Variants in COL28A1 observed in about 807,000 individuals in gnomAD.
The protein encoded by COL28A1 is collagen alpha-1(XXVIII) chain.
A neutral mutation model predicts 150.2 loss-of-function variants in COL28A1; 161 were observed. The ratio of observed to expected loss-of-function variants is 1.07; its 90% CI spans 0.94 to 1.22. The LOEUF (loss-of-function observed/expected upper bound fraction) is 1.22, where lower values mean the gene tolerates loss of function less well. COL28A1 is among the 50% of genes most tolerant of loss of function. COL28A1 has a pLI of 0.00. For missense variants in COL28A1, 1,617 were observed against 1,388.3 expected, an observed-to-expected ratio of 1.16 and a Z score of -2.62; for synonymous variants, 552 against 469.7, an observed-to-expected ratio of 1.18 and a Z score of -2.26.
intron 27 of COL28A1, among the ~76,000 whole-genome samples, chr7:7,393,837 C>G (rs1782685495): frequency 6.6e-6 from 1 of 152,156 alleles, no homozygotes; most frequent in Non-Finnish European, 1.5e-5. Flanking sequence ...GTGAGAATTT[C>G]AAGCCATTGG....
intron 15 of COL28A1, among the ~76,000 whole-genome samples, chr7:7,472,419 A>G (rs1454796616): frequency 1.3e-5 from 2 of 151,680 alleles, no homozygotes; most frequent in African/African-American, 2.4e-5. Flanking sequence ...CCCTTTTTAC[A>G]ATAGCTGCAA....
chr7:7,369,413 C>T (rs900221130), intron 33 of COL28A1, among the ~76,000 whole-genome samples: 15 of 152,202 alleles, frequency 9.9e-5, no homozygotes, highest in East Asian at 1.9e-4. Flanking sequence ...CTACTTCAAA[C>T]GCAGAGCTGA....
chr7:7,399,169 T>C (rs1783017726), intron 27 of COL28A1, among the ~76,000 whole-genome samples: 1 of 152,156 alleles, frequency 6.6e-6, no homozygotes, highest in Non-Finnish European at 1.5e-5. Context: ...TTGGCTTTCC[T>C]TTCTCCACTC....
At chr7:7,419,534 G>T (rs968401481) in intron 26 of COL28A1, among the ~76,000 whole-genome samples, 4 of 152,112 alleles carry the variant, frequency 2.6e-5, no homozygotes, top group African/African-American at 9.7e-5. Flanking sequence ...AGGGCACAAT[G>T]ACACATTAGC....
chr7:7,453,639 G>A, intron 16 of COL28A1, 131 bp from the exon 17 acceptor site: 1 of 618,422 alleles, frequency 1.6e-6, no homozygotes, highest in South Asian at 1.9e-5. Flanking sequence ...TGGGGTGCCA[G>A]GGGCTGCTAG....
intron 12 of COL28A1, 117 bp from the exon 13 acceptor site, chr7:7,489,574 T>C: frequency 1.5e-6 from 1 of 687,790 alleles, no homozygotes. Context: ...AAATGTTGGT[T>C]TTCATAAAGG....
chr7:7,397,258 T>C lies in COL28A1; in HGVS notation c.2137-15646A>G, dbSNP rs192573991. On this transcript the variant is annotated intron_variant, in intron 27 of 34. Transcript: ENST00000399429. ...ATTCAACAGTTTTCCTCCATCTTCC[T>C]GCACTCCAGTCTGTTTCCATCATCA... 1.2e-3 allele frequency among the ~76,000 whole-genome samples: 186 copies of C among 152,280 alleles called. 1 individual carries two copies. Among genetic ancestry groups the C allele is most frequent in the African/African-American group, 4.2e-3 (176 of 41,558 alleles).
At chr7:7,350,178 A>G in the COL28A1 span, among the ~76,000 whole-genome samples, 48 of 152,252 alleles carry the variant, frequency 3.2e-4, no homozygotes, top group African/African-American at 8.7e-4. Context: ...GCCAGGTGCA[A>G]TGACAGTCTC....
rs765763071 is a variant in COL28A1, at chr7:7,373,120, A to G, written c.2786T>C (p.Ile929Thr). Residue 929 changes from isoleucine to threonine, a missense_variant, in exon 32 of 35, where the codon ATA becomes ACA. Coordinates refer to ENST00000399429, the MANE Select transcript of COL28A1 (RefSeq NM_001037763.3). This position sits in a 1 kb window ranked among gnomAD's most constrained non-coding sequence, Gnocchi z 4.1. The stretch of plus-strand genomic sequence containing the variant: ...TTTCTTCACCACCCCTATCACAAAT[A>G]TCTCCACATTGGTGTCACTGGCATT... The part of the protein sequence containing the change: ...VKNASDTNVE[I>T]FVIGVVKKND... 3.1e-6 allele frequency: 5 copies of G among 1,614,198 alleles called. No individual in the cohort carries two copies. Among genetic ancestry groups the G allele is most frequent in the Non-Finnish European group, 4.2e-6 (5 of 1,180,016 alleles).
chr7:7,473,847 G>T (rs541355573), intron 15 of COL28A1, among the ~76,000 whole-genome samples: 1 of 151,130 alleles, frequency 6.6e-6, no homozygotes, highest in Non-Finnish European at 1.5e-5. Flanking sequence ...CAGTGTGTGT[G>T]TTTGTTTATA....
At chr7:7,532,055 A>G in intron 2 of COL28A1, 151 bp from the exon 3 acceptor site, 1 of 528,402 alleles carries the variant, frequency 1.9e-6, no homozygotes, top group Non-Finnish European at 3.4e-6. Context: ...AGAAGGCTTC[A>G]ATTGTAAAAA....
chr7:7,515,829 C>G lies in COL28A1; in HGVS notation c.867G>C (p.Gly289=). Residue 289 remains glycine, a synonymous_variant, in exon 8 of 35, where the codon GGG becomes GGC. Transcript: ENST00000399429. ...AGERGPGGIP[G]YKGDKGERGE... The stretch of plus-strand genomic sequence containing the variant: ...ACCAACTTACCTTGTCACCCTTGTA[C>G]CCAGGAATTCCCTAATTTAAAAAGA... 9.6e-7 allele frequency: 1 copy of G among 1,040,670 alleles called. No homozygotes were observed. The highest frequency in any genetic ancestry group is 1.5e-6 in the Non-Finnish European group (1 of 660,068). The allele number at this position is 1,040,670 out of a possible 1,614,324, so 64.5% of individuals were successfully genotyped here. A position where few individuals can be genotyped will look rare whatever the true frequency, so the allele number is the denominator to read the frequency against.
chr7:7,497,981 C>G lies in COL28A1; in HGVS notation c.1027-7335G>C, dbSNP rs144952409. ...AGAGAGAAAGTCCAGTCCATATACT[C>G]TACGTACTTGTGCTTTCTAAAGCAG... On this transcript the variant is annotated intron_variant, in intron 11 of 34. Coordinates refer to ENST00000399429, the MANE Select transcript of COL28A1 (RefSeq NM_001037763.3). Among the ~76,000 whole-genome samples, 588 of 152,242 alleles carry G rather than the reference C, an allele frequency of 3.9e-3. 3 individuals are homozygous for G. Among genetic ancestry groups the G allele is most frequent in the Non-Finnish European group, 6.1e-3 (416 of 68,008 alleles).
At chr7:7,525,309 TA>T (rs1781963440) in intron 3 of COL28A1, among the ~76,000 whole-genome samples, 1 of 152,344 alleles carries the variant, frequency 6.6e-6, no homozygotes, top group African/African-American at 2.4e-5. Context: ...TTTAAATTTA[TA>T]ATTTTGCAGA....
intron 13 of COL28A1, among the ~76,000 whole-genome samples, chr7:7,487,986 C>T (rs1167252736): frequency 6.6e-6 from 1 of 152,208 alleles, no homozygotes; most frequent in Non-Finnish European, 1.5e-5. Flanking sequence ...TCCCAGACAA[C>T]AACCTGCACC....
downstream of COL28A1, among the ~76,000 whole-genome samples, chr7:7,354,029 ATT>A (rs199877243): frequency 1.1e-4 from 16 of 148,592 alleles, no homozygotes; most frequent in Admixed American, 9.4e-4. Context: ...AGAAAAAAAA[ATT>A]TTTTTTTTTT....
chr7:7,530,553 A>G (rs551743324), intron 3 of COL28A1, among the ~76,000 whole-genome samples: 1 of 152,222 alleles, frequency 6.6e-6, no homozygotes, highest in Non-Finnish European at 1.5e-5. Flanking sequence ...TCAGTTTTTA[A>G]CACTCAGCCA....
chr7:7,386,523 C>T (rs1782194346), intron 27 of COL28A1, among the ~76,000 whole-genome samples: 2 of 152,184 alleles, frequency 1.3e-5, no homozygotes, highest in South Asian at 2.1e-4. Context: ...GAGACACAGG[C>T]TTGGAAATTC....
Position 7,437,350 on chromosome 7 carries a change from G to C in COL28A1, c.1791+44C>G, listed in dbSNP as rs772565896. 7.7e-6 allele frequency: 12 copies of C among 1,566,586 alleles called. No homozygotes were observed. In the East Asian group the frequency reaches 2.7e-4, roughly 36 times the overall value. The stretch of plus-strand genomic sequence containing the variant: ...TATCATGATTTTTTTTTCTCCAACT[G>C]CCAAAGGGTCAAGAAAAAGAAAATA... On this transcript the variant is annotated intron_variant, in intron 22 of 34. Transcript: ENST00000399429.
Sources: allele counts gnomAD v4.1 joint callset (sites outside exome capture counted in the v4.1 genomes callset), GRCh38; gene constraint gnomAD v4.1.1; non-coding constraint Gnocchi (gnomAD v3.1); transcripts MANE v1.5; gene names NCBI Gene and HGNC (gene_info 2026-07-23, HGNC 2026-07-21).